Variants in PARP16 observed in about 807,000 individuals in gnomAD.
The protein encoded by PARP16 is protein mono-ADP-ribosyltransferase PARP16.
Under a neutral mutation model 35.0 loss-of-function variants are expected in PARP16, and 31 were observed. The observed-to-expected ratio is 0.88, with a 90% CI of 0.66 to 1.19. PARP16 has a LOEUF of 1.19. PARP16 is among the 50% of genes most tolerant of loss of function. The pLI is 0.00. For missense variants in PARP16, 424 were observed against 411.2 expected (o/e 1.03, Z -0.27); for synonymous variants, 162 against 169.5 (o/e 0.96, Z 0.34).
chr15:65,255,880 G>A (rs2089492714), downstream of PARP16, among the ~76,000 whole-genome samples: 1 of 152,048 alleles, frequency 6.6e-6, no homozygotes, highest in Admixed American at 6.6e-5. Context: ...CCAAAGCAGG[G>A]GTTCTTCACT....
chr15:65,278,965 G>T (rs182764680), intron 1 of PARP16, among the ~76,000 whole-genome samples: 1 of 152,240 alleles, frequency 6.6e-6, no homozygotes, highest in African/African-American at 2.4e-5. Flanking sequence ...TGAAGAGGTG[G>T]ACACCACAGG....
At chr15:65,277,965 G>A (rs1194568383) in intron 1 of PARP16, among the ~76,000 whole-genome samples, 2 of 152,182 alleles carry the variant, frequency 1.3e-5, no homozygotes, top group Non-Finnish European at 2.9e-5. Flanking sequence ...ACATGGCAGT[G>A]GAAGGCATTT....
intron 4 of PARP16, among the ~76,000 whole-genome samples, 188 bp from the exon 5 acceptor site, chr15:65,261,214 G>GA (rs1475332224): frequency 6.6e-6 from 1 of 150,702 alleles, no homozygotes; most frequent in Non-Finnish European, 1.5e-5. Flanking sequence ...ATGGGAGGAG[G>GA]AAAAAAAGAG....
chr15:65,239,802 A>G (rs2089000266), intron 3 of PARP16, among the ~76,000 whole-genome samples: 1 of 150,040 alleles, frequency 6.7e-6, no homozygotes. Flanking sequence ...GACTACAGGC[A>G]CCTTCCACCA....
At chr15:65,286,096 A>C (rs1490617640) in intron 1 of PARP16, among the ~76,000 whole-genome samples, 157 bp downstream of exon 1, 1 of 152,150 alleles carries the variant, frequency 6.6e-6, no homozygotes, top group Non-Finnish European at 1.5e-5. Flanking sequence ...TTCTTAGCTC[A>C]TGGAAACCTT....
downstream of PARP16, among the ~76,000 whole-genome samples, chr15:65,254,041 C>A (rs1325380147): frequency 6.6e-6 from 1 of 152,144 alleles, no homozygotes; most frequent in African/African-American, 2.4e-5. Context: ...TGGTCTTGAT[C>A]TCCTGACGTC....
At chr15:65,241,361 G>T (rs867970376) in intron 3 of PARP16, among the ~76,000 whole-genome samples, 3 of 152,016 alleles carry the variant, frequency 2.0e-5, no homozygotes, top group Non-Finnish European at 4.4e-5. Context: ...GGCTGGTCTC[G>T]AACTCCTGAC....
At chr15:65,281,970 AACTTTC>A (rs1253699698) in intron 1 of PARP16, among the ~76,000 whole-genome samples, 4 of 152,160 alleles carry the variant, frequency 2.6e-5, no homozygotes, top group Non-Finnish European at 5.9e-5. Context: ...GAAAATGGTA[AACTTTC>A]ACATTACTTC....
chr15:65,275,309 G>A (rs1171318772), intron 1 of PARP16, among the ~76,000 whole-genome samples: 2 of 152,140 alleles, frequency 1.3e-5, no homozygotes, highest in African/African-American at 4.8e-5. Context: ...ATGTAGCTGG[G>A]GAAGTGGGTG....
At chr15:65,284,808 C>T (rs2090531840) in intron 1 of PARP16, among the ~76,000 whole-genome samples, 2 of 133,776 alleles carry the variant, frequency 1.5e-5, no homozygotes, top group South Asian at 2.5e-4. Context: ...ACTAATCCAA[C>T]GTCTTTTTTT....
rs570567627 is a variant in PARP16, at chr15:65,273,299, A to T, written c.175-2227T>A. Among the ~76,000 whole-genome samples, 294 of 149,260 alleles carry T rather than the reference A, an allele frequency of 2.0e-3. 2 individuals are homozygous for T. Among genetic ancestry groups the T allele is most frequent in the Middle Eastern group, 0.01 (3 of 290 alleles). On this transcript the variant is annotated intron_variant, in intron 1 of 5. Transcript: ENST00000649807. ...CTCAAAAAAAAAAAAAAAAAAGAATACCTGTGGTTCTTTTCCATTTTTCTA... is the reference window on the plus strand; with the variant it reads ...CTCAAAAAAAAAAAAAAAAAAGAATTCCTGTGGTTCTTTTCCATTTTTCTA...
chr15:65,269,204 C>CTTTCTTTCT (rs1056207683), intron 2 of PARP16, among the ~76,000 whole-genome samples: 6 of 103,528 alleles, frequency 5.8e-5, no homozygotes, highest in East Asian at 2.3e-4. Flanking sequence ...TTCTTTCTTT[C>CTTTCTTTCT]TTTTTTTTTT....
At chr15:65,270,311 C>T (rs1325286919) in intron 2 of PARP16, among the ~76,000 whole-genome samples, 4 of 152,162 alleles carry the variant, frequency 2.6e-5, no homozygotes, top group Admixed American at 2.0e-4. Context: ...GGGGGTGACA[C>T]ACATTTTATC....
At chr15:65,240,614 C>A (rs1233130169) in intron 3 of PARP16, among the ~76,000 whole-genome samples, 1 of 151,890 alleles carries the variant, frequency 6.6e-6, no homozygotes, top group East Asian at 1.9e-4. Context: ...ATAAGTATTC[C>A]ATTGTATGAA....
In PARP16 at chr15:65,266,706, C is replaced by G; in HGVS notation, c.375G>C (p.Leu125=). The change falls in exon 3 of 6, where the codon CTG becomes CTC. Residue 125 remains leucine (L), a synonymous_variant. Transcript: ENST00000649807. ...PHTPVPAPDF[L]FEIEYFDPAN... is the part of the protein sequence containing the mutation. ...CTGGGTCAAAGTACTCAATTTCAAACAGGAAGTCCGGTGCAGGAACAGGCG... is the reference window on the plus strand; with the variant it reads ...CTGGGTCAAAGTACTCAATTTCAAAGAGGAAGTCCGGTGCAGGAACAGGCG... 2 of 1,614,144 alleles carry G rather than the reference C, an allele frequency of 1.2e-6. No individual in the cohort carries two copies. The highest frequency in any genetic ancestry group is 1.7e-6 in the Non-Finnish European group (2 of 1,180,026).
At chr15:65,260,371 A>G (rs1185103419) in intron 5 of PARP16, among the ~76,000 whole-genome samples, 2 of 152,214 alleles carry the variant, frequency 1.3e-5, no homozygotes, top group Non-Finnish European at 2.9e-5. Context: ...GGCATCCACC[A>G]AAGCTGATAA....
chr15:65,281,935 A>G (rs951185060), intron 1 of PARP16, among the ~76,000 whole-genome samples: 8 of 152,362 alleles, frequency 5.3e-5, no homozygotes, highest in African/African-American at 1.9e-4. Flanking sequence ...AACACCTCAC[A>G]GTGTGGACAA....
intron 1 of PARP16, among the ~76,000 whole-genome samples, chr15:65,283,955 A>G (rs2090498955): frequency 1.3e-5 from 2 of 152,304 alleles, no homozygotes; most frequent in East Asian, 1.9e-4. Context: ...CGGTACCCTG[A>G]AACGCCTGTG....
At chr15:65,268,781 G>C (rs1220304292) in intron 2 of PARP16, among the ~76,000 whole-genome samples, 1 of 151,550 alleles carries the variant, frequency 6.6e-6, no homozygotes, top group Non-Finnish European at 1.5e-5. Flanking sequence ...TTGAGATGGA[G>C]TCTTAGTCTG....
Sources: gnomAD v4.1 joint callset for allele counts (sites outside exome capture counted in the v4.1 genomes callset) on GRCh38, gnomAD v4.1.1 for gene constraint, MANE v1.5 for transcripts, NCBI Gene and HGNC (gene_info 2026-07-23, HGNC 2026-07-21) for gene names.